NR3C1: variants seen among roughly 807,000 people sequenced by gnomAD.
NR3C1 encodes the protein nuclear receptor subfamily 3 group C member 1.
Under a neutral mutation model 74.0 loss-of-function variants are expected in NR3C1, and 14 were observed. The observed-to-expected ratio is 0.19, with a 90% CI of 0.12 to 0.30. The LOEUF (loss-of-function observed/expected upper bound fraction) is 0.30. NR3C1 is among the 10% of genes least tolerant of loss of function. The pLI is 1.00. For missense variants in NR3C1, 695 were observed against 909.8 expected (o/e 0.76, Z 3.04); for synonymous variants, 308 against 332.5 (o/e 0.93, Z 0.80).
upstream of NR3C1, chr5:143,407,569 A>G (rs752550188): frequency 6.6e-6 from 1 of 152,246 alleles, no homozygotes; most frequent in Non-Finnish European, 1.5e-5. Flanking sequence ...TCACCCCTGT[A>G]TCACTAGTGC....
intron 5 of NR3C1, among the ~76,000 whole-genome samples, chr5:143,299,745 G>A (rs1278099651): frequency 6.6e-6 from 1 of 152,122 alleles, no homozygotes; most frequent in Non-Finnish European, 1.5e-5. Flanking sequence ...CAACTATTAT[G>A]TATTGATTTT....
intron 2 of NR3C1, among the ~76,000 whole-genome samples, chr5:143,371,716 C>T (rs1053818721): frequency 6.6e-6 from 1 of 152,172 alleles, no homozygotes; most frequent in African/African-American, 2.4e-5. Flanking sequence ...GTAGATGATA[C>T]CTTTCTTTCA....
chr5:143,329,413 C>A (rs560804580), intron 2 of NR3C1, among the ~76,000 whole-genome samples: 2 of 152,248 alleles, frequency 1.3e-5, no homozygotes, highest in East Asian at 3.9e-4. Flanking sequence ...CATATCACAT[C>A]CTGAAAGTAG....
intron 2 of NR3C1, among the ~76,000 whole-genome samples, chr5:143,329,223 GAA>G (rs1825351575): frequency 1.3e-5 from 2 of 152,190 alleles, no homozygotes; most frequent in Non-Finnish European, 2.9e-5. Context: ...AGGAGAGAGA[GAA>G]AGCACAGGGG....
intron 1 of NR3C1, among the ~76,000 whole-genome samples, chr5:143,418,170 C>A (rs1354766045): frequency 6.6e-6 from 1 of 152,182 alleles, no homozygotes; most frequent in Non-Finnish European, 1.5e-5. Context: ...ATATAATCTT[C>A]AGTTGTCAAT....
intron 2 of NR3C1, among the ~76,000 whole-genome samples, chr5:143,333,912 T>G (rs1325383223): frequency 6.6e-6 from 1 of 152,244 alleles, no homozygotes; most frequent in Admixed American, 6.5e-5. Flanking sequence ...AAATCTTAAC[T>G]TTTTGAAATT....
intron 2 of NR3C1, among the ~76,000 whole-genome samples, chr5:143,373,363 G>T (rs1211589862): frequency 6.6e-6 from 1 of 151,230 alleles, no homozygotes; most frequent in Non-Finnish European, 1.5e-5. Flanking sequence ...TCATTAAAAG[G>T]CTTAACAAAG....
chr5:143,323,171 T>G (rs1823738488), intron 2 of NR3C1, among the ~76,000 whole-genome samples: 1 of 152,204 alleles, frequency 6.6e-6, no homozygotes, highest in Non-Finnish European at 1.5e-5. Flanking sequence ...CTGGAGACGC[T>G]CCCTGCCGGT....
chr5:143,329,700 T>A (rs887625936), intron 2 of NR3C1, among the ~76,000 whole-genome samples: 1 of 152,162 alleles, frequency 6.6e-6, no homozygotes, highest in African/African-American at 2.4e-5. Context: ...GGTTAAATGA[T>A]ACCCAAAGTA....
chr5:143,392,357 A>G (rs573385146), intron 2 of NR3C1, among the ~76,000 whole-genome samples: 1 of 152,360 alleles, frequency 6.6e-6, no homozygotes, highest in Admixed American at 6.5e-5. Flanking sequence ...AACTGTGACA[A>G]AAAGCAGTAA....
intron 2 of NR3C1, among the ~76,000 whole-genome samples, chr5:143,349,694 A>G (rs1319070376): frequency 2.0e-5 from 3 of 152,138 alleles, no homozygotes; most frequent in African/African-American, 7.2e-5. Context: ...TTCTTCATAC[A>G]TCTAACAAAT....
At chr5:143,362,890 G>A (rs1343977423) in intron 2 of NR3C1, among the ~76,000 whole-genome samples, 2 of 152,168 alleles carry the variant, frequency 1.3e-5, no homozygotes, top group Non-Finnish European at 2.9e-5. Context: ...AGGAAAAGCT[G>A]GGGAGTCTGT....
At chr5:143,405,088 G>A, upstream of NR3C1, 2 of 983,292 alleles carry the variant, frequency 2.0e-6, no homozygotes, top group South Asian at 9.4e-5. Flanking sequence ...CCCCGCCCCA[G>A]CTCCCTTCCC....
intron 7 of NR3C1, among the ~76,000 whole-genome samples, chr5:143,288,743 AATT>A (rs1815160508): frequency 6.6e-6 from 1 of 152,062 alleles, no homozygotes; most frequent in African/African-American, 2.4e-5. Flanking sequence ...AAAGTGGTGG[AATT>A]ACAGGCATGA....
upstream of NR3C1, chr5:143,404,195 G>C (rs1481737648): frequency 1.0e-6 from 1 of 985,354 alleles, no homozygotes; most frequent in African/African-American, 1.7e-5. Context: ...AGCTGCGTGA[G>C]TGGCCCGCGC....
At chr5:143,311,054 A>C (rs956628646) in intron 3 of NR3C1, among the ~76,000 whole-genome samples, 5 of 152,230 alleles carry the variant, frequency 3.3e-5, no homozygotes, top group Non-Finnish European at 5.9e-5. Flanking sequence ...TGACCACTAG[A>C]CTATAATTCA....
rs1223239064 is a variant in NR3C1 at position 143,300,738 on chromosome 5, T to C, written c.1494A>G (p.Lys498=). The C allele has an allele frequency of 6.2e-7, 1 of 1,613,728 alleles. No homozygotes were observed. Among genetic ancestry groups the C allele is most frequent in the South Asian group, 1.1e-5 (1 of 91,024 alleles). The change falls in exon 5 of 9, where the codon AAA becomes AAG. Residue 498 remains lysine (K), a synonymous_variant. Coordinates refer to ENST00000394464, the MANE Select transcript of NR3C1 (RefSeq NM_000176.3). The surrounding 1 kb of genome is among the most constrained non-coding windows in gnomAD (Gnocchi z 5.2). The part of the protein sequence containing the change: ...LEARKTKKKI[K]GIQQATTGVS... ...CTCCTGTAGTGGCCTGCTGAATTCC[T>C]TTTATTTTTTTCTTTGTTTTTCGAG...
Position 143,285,658 on chromosome 5 carries a change from T to C in NR3C1, c.2024-2933A>G, listed in dbSNP as rs572376312. On this transcript the variant is annotated intron_variant, in intron 7 of 8. Transcript: ENST00000394464. ...TTAGAATTTGACATTTAATAAGCTA[T>C]AGATTAAATAAGGCATCATGATTAA... is the stretch of plus-strand genomic sequence containing the variant. 4.1e-4 allele frequency among the ~76,000 whole-genome samples: 62 copies of C among 152,266 alleles called. 1 individual carries two copies. The South Asian group carries it at 0.012, about 30-fold the overall frequency.
chr5:143,303,297 A>ACCCCC (rs571906631), intron 4 of NR3C1, among the ~76,000 whole-genome samples: 18 of 151,128 alleles, frequency 1.2e-4, no homozygotes, highest in African/African-American at 4.4e-4. Context: ...TTTTCAGCTG[A>ACCCCC]CCCCCGTATA....
Sources: gnomAD v4.1 joint callset for allele counts (sites outside exome capture counted in the v4.1 genomes callset) on GRCh38, gnomAD v4.1.1 for gene constraint, Gnocchi (gnomAD v3.1) non-coding constraint, MANE v1.5 for transcripts, NCBI Gene and HGNC (gene_info 2026-07-23, HGNC 2026-07-21) for gene names.